The following PGM5 variants were observed in gnomAD, a reference collection of about 807,000 sequenced individuals.
PGM5 encodes phosphoglucomutase 5.
In PGM5, 23 loss-of-function variants were observed where a neutral mutation model predicts 59.2. The ratio of observed to expected loss-of-function variants is 0.39; its 90% confidence interval spans 0.28 to 0.55. PGM5 has a LOEUF of 0.55. Ranked by LOEUF, PGM5 falls within the 20% of genes least tolerant of loss-of-function variation. PGM5 has a pLI of 0.66. For synonymous variants in PGM5, 214 were observed against 286.0 expected (o/e 0.75, Z 2.54); for missense variants, 574 against 748.3 (o/e 0.77, Z 2.72).
intron 10 of PGM5, among the ~76,000 whole-genome samples, chr9:68,511,185 T>C (rs1431579705): frequency 4.6e-5 from 7 of 152,122 alleles, no homozygotes; most frequent in Non-Finnish European, 1.0e-4. Flanking sequence ...GTCAAAGAAA[T>C]ATATTTTGGG....
chr9:68,484,027 T>C lies in PGM5; in HGVS notation c.1458T>C (p.Asp486=). ...GTTTTGAATACGTGGACCCTGTGGATGGCACTGTGACCAAGAAACAGGTAC... is the reference window on the plus strand; with the variant it reads ...GTTTTGAATACGTGGACCCTGTGGACGGCACTGTGACCAAGAAACAGGTAC... ...TDSFEYVDPV[D]GTVTKKQGLR... The change falls in exon 9 of 11, where the codon GAT becomes GAC. Residue 486 remains aspartate, a synonymous_variant. Transcript: ENST00000396396. The C allele has an allele frequency of 6.2e-7, 1 of 1,613,522 alleles. No homozygotes were observed. Among genetic ancestry groups the C allele is most frequent in the Non-Finnish European group, 8.5e-7 (1 of 1,179,966 alleles).
In PGM5 at chr9:68,511,545, C is replaced by CT. The variant is rs3064033; in HGVS notation, c.1614+12209dup. Among the ~76,000 whole-genome samples the CT allele has an allele frequency of 7.4e-3, 467 of 62,694 alleles. 34 individuals are homozygous for CT. Among genetic ancestry groups the CT allele is most frequent in the African/African-American group, 0.02 (350 of 17,164 alleles). The allele number at this position is 62,694 out of a possible 152,430, so 41.1% of individuals were successfully genotyped here. A position where few individuals can be genotyped will look rare whatever the true frequency, so the allele number is the denominator to read the frequency against. ...TTGTCACTAATGTTATTGTTTTTGC[C>CT]TTTTTTTTTTTTTTTTTTTTTTTTT... On this transcript the variant is annotated intron_variant, in intron 10 of 10. Transcript: ENST00000396396.
chr9:68,530,640 G>A lies in PGM5; in HGVS notation c.*984G>A, dbSNP rs1052072243. ...AGAGGATGAAATGCTGTAAAAGTAGGAAATGAAGTGGAAGCTGGAAGAAAA... is the reference window on the plus strand; with the variant it reads ...AGAGGATGAAATGCTGTAAAAGTAGAAAATGAAGTGGAAGCTGGAAGAAAA... On this transcript the variant is annotated 3_prime_UTR_variant, in exon 11 of 11. Coordinates refer to ENST00000396396, the MANE Select transcript of PGM5 (RefSeq NM_021965.4). 1 of 152,264 alleles carries A rather than the reference G, an allele frequency of 6.6e-6. No individual in the cohort carries two copies. Among genetic ancestry groups the A allele is most frequent in the African/African-American group, 2.4e-5 (1 of 41,444 alleles). 9.4% of individuals were successfully genotyped at this position (152,264 alleles called of 1,614,324 possible). A position where few individuals can be genotyped will look rare whatever the true frequency, so the allele number is the denominator to read the frequency against.
chr9:68,381,661 A>ACAC lies in PGM5; in HGVS notation c.425-2737_425-2736insCAC, dbSNP rs1563986886. Among the ~76,000 whole-genome samples, 826 of 139,720 alleles carry ACAC rather than the reference A, an allele frequency of 5.9e-3. 10 individuals are homozygous for ACAC. The highest frequency in any genetic ancestry group is 0.022 in the African/African-American group (772 of 35,706). 91.7% of individuals were successfully genotyped at this position (139,720 alleles called of 152,430 possible). On this transcript the variant is annotated intron_variant, in intron 2 of 10. Coordinates refer to ENST00000396396, the MANE Select transcript of PGM5 (RefSeq NM_021965.4). Reference sequence around the variant, plus strand: ...ACATGCACACACACACACACACACAAACACACACACAAATTTTTAGAACTA... The same window carrying ACAC: ...ACATGCACACACACACACACACACAACACACACACACACAAATTTTTAGAACTA...
intron 10 of PGM5, among the ~76,000 whole-genome samples, chr9:68,529,352 G>C (rs977897832): frequency 4.7e-4 from 71 of 152,028 alleles, no homozygotes; most frequent in Non-Finnish European, 8.8e-4. Context: ...TTTGAAGCTG[G>C]TTAAGACTTT....
At chr9:68,509,617 C>T (rs28685588) in intron 10 of PGM5, among the ~76,000 whole-genome samples, 2,577 of 152,242 alleles carry the variant, frequency 0.017, 66 homozygotes, top group African/African-American at 0.056. Flanking sequence ...CGCAGGGAAG[C>T]GCCAGCGTCG....
chr9:68,369,848 A>G (rs1834750753), intron 1 of PGM5, among the ~76,000 whole-genome samples: 1 of 152,136 alleles, frequency 6.6e-6, no homozygotes, highest in African/African-American at 2.4e-5. Flanking sequence ...AACAAATCAT[A>G]TAACTGCACA....
chr9:68,409,981 T>A (rs1436624922), intron 6 of PGM5, among the ~76,000 whole-genome samples: 2 of 152,054 alleles, frequency 1.3e-5, no homozygotes, highest in Non-Finnish European at 2.9e-5. Flanking sequence ...GCTTTCCCCA[T>A]CTAGAAGGGC....
chr9:68,357,450 G>C (rs367546226), intron 1 of PGM5, 62 bp downstream of exon 1: 41 of 1,529,804 alleles, frequency 2.7e-5, no homozygotes, highest in East Asian at 1.7e-4. Context: ...CCTAGCCCTT[G>C]TCCCCCTGCT....
intron 9 of PGM5, chr9:68,498,889 T>A (rs1824524681): frequency 3.9e-6 from 1 of 254,496 alleles, no homozygotes; most frequent in Non-Finnish European, 7.7e-6. Flanking sequence ...ACTTTGGCCC[T>A]AGGAATATTT....
At chr9:68,416,834 T>C (rs922356166) in intron 6 of PGM5, among the ~76,000 whole-genome samples, 1 of 152,262 alleles carries the variant, frequency 6.6e-6, no homozygotes, top group African/African-American at 2.4e-5. Context: ...TTTGTGATTA[T>C]GTGTGATTTT....
chr9:68,371,661 G>A (rs1290791895), intron 1 of PGM5: 3 of 130,778 alleles, frequency 2.3e-5, no homozygotes, highest in Non-Finnish European at 3.4e-5. Context: ...CTATGTCAGG[G>A]GATAGTCAAG....
intron 6 of PGM5, among the ~76,000 whole-genome samples, chr9:68,426,529 A>G (rs1554682704): frequency 6.6e-6 from 1 of 152,080 alleles, no homozygotes; most frequent in African/African-American, 2.4e-5. Context: ...ATGGACATTT[A>G]AATGGTTTAC....
chr9:68,364,258 G>A (rs1360534504), intron 1 of PGM5, among the ~76,000 whole-genome samples: 5 of 152,006 alleles, frequency 3.3e-5, no homozygotes, highest in Non-Finnish European at 7.4e-5. Context: ...TGTGCAGGTT[G>A]TATTTGATTC....
intron 8 of PGM5, among the ~76,000 whole-genome samples, chr9:68,480,705 AAAAAC>A (rs558109603): frequency 3.4e-4 from 51 of 152,006 alleles, no homozygotes; most frequent in African/African-American, 1.2e-3. Context: ...TCTCAAAAAA[AAAAAC>A]AAAACAAAAC....
intron 10 of PGM5, among the ~76,000 whole-genome samples, chr9:68,519,676 AAAAC>A (rs1824870481): frequency 6.6e-6 from 1 of 151,710 alleles, no homozygotes; most frequent in African/African-American, 2.4e-5. Context: ...AAAAAAAAGA[AAAAC>A]AGCTAGGTCA....
chr9:68,469,848 T>C (rs2132082567), intron 7 of PGM5, among the ~76,000 whole-genome samples: 1 of 152,316 alleles, frequency 6.6e-6, no homozygotes, highest in East Asian at 1.9e-4. Flanking sequence ...GTACAAAGAA[T>C]TTTCGTTTTG....
intron 6 of PGM5, among the ~76,000 whole-genome samples, chr9:68,417,034 C>T (rs550386146): frequency 5.9e-5 from 9 of 152,270 alleles, no homozygotes; most frequent in South Asian, 2.1e-4. Context: ...CAAATACCAA[C>T]GGGAGGTGTG....
intron 6 of PGM5, among the ~76,000 whole-genome samples, chr9:68,438,604 C>T (rs1211048133): frequency 1.3e-5 from 2 of 152,092 alleles, no homozygotes; most frequent in African/African-American, 2.4e-5. Flanking sequence ...ACAAGATGTA[C>T]GAAACAAGCT....
Sources: gnomAD v4.1 joint callset for allele counts (sites outside exome capture counted in the v4.1 genomes callset) on GRCh38, gnomAD v4.1.1 for gene constraint, MANE v1.5 for transcripts, NCBI Gene and HGNC (gene_info 2026-07-23, HGNC 2026-07-21) for gene names.